Variants in EVI5 observed in about 807,000 individuals in gnomAD.
EVI5 encodes the protein ecotropic viral integration site 5 protein homolog.
In EVI5, 73 loss-of-function variants were observed where a neutral mutation model predicts 112.0. That is an observed-to-expected ratio of 0.65 (90% confidence interval 0.54 to 0.79). The LOEUF is 0.79. EVI5 is among the 30% of genes least tolerant of loss of function. The pLI is 0.00. For missense variants in EVI5, 900 were observed against 968.8 expected, an observed-to-expected ratio of 0.93 and a Z score of 0.94; for synonymous variants, 305 against 319.9, an observed-to-expected ratio of 0.95 and a Z score of 0.50.
chr1:92,785,497 C>A (rs1685537532), upstream of EVI5, among the ~76,000 whole-genome samples: 1 of 152,232 alleles, frequency 6.6e-6, no homozygotes, highest in Non-Finnish European at 1.5e-5. Context: ...CGAGCTCCCC[C>A]AGAGGTGGCC....
intron 13 of EVI5, among the ~76,000 whole-genome samples, chr1:92,644,362 C>T (rs1412846670): frequency 6.6e-6 from 1 of 152,228 alleles, no homozygotes; most frequent in Non-Finnish European, 1.5e-5. Flanking sequence ...AACTGGGCCA[C>T]ACCTGTAAAA....
intron 2 of EVI5, 82 bp downstream of exon 2, chr1:92,736,316 G>GA (rs1021580775): frequency 6.6e-4 from 599 of 903,560 alleles, no homozygotes; most frequent in Non-Finnish European, 8.6e-4. Context: ...CCAAAAAATA[G>GA]AAAAAAAAAT....
At chr1:92,648,156 C>T (rs1163330275) in intron 13 of EVI5, among the ~76,000 whole-genome samples, 3 of 132,640 alleles carry the variant, frequency 2.3e-5, no homozygotes, top group Non-Finnish European at 4.7e-5. Flanking sequence ...ACCATCCTGG[C>T]TAACACGGTG....
At chr1:92,789,529 C>A (rs1685931885), upstream of EVI5, among the ~76,000 whole-genome samples, 1 of 152,136 alleles carries the variant, frequency 6.6e-6, no homozygotes, top group African/African-American at 2.4e-5. Context: ...GTCTCAATCT[C>A]CTGACCTTGT....
At chr1:92,617,559 T>C (rs907794547) in intron 16 of EVI5, among the ~76,000 whole-genome samples, 1 of 152,152 alleles carries the variant, frequency 6.6e-6, no homozygotes, top group Non-Finnish European at 1.5e-5. Flanking sequence ...AATAAGCCCA[T>C]GAACAAAGTG....
At chr1:92,677,119 TC>T in intron 10 of EVI5, 38 bp downstream of exon 10, 1 of 1,225,032 alleles carries the variant, frequency 8.2e-7, no homozygotes, top group Non-Finnish European at 1.2e-6. Context: ...ATAATTGATT[TC>T]AATCAATCAG....
Position 92,643,935 on chromosome 1 carries a change from T to C in EVI5, c.1393-7599A>G, listed in dbSNP as rs193204160. On this transcript the variant is annotated intron_variant, in intron 13 of 19. Transcript: ENST00000684568. The stretch of plus-strand genomic sequence containing the variant: ...TAAAAGAAAAAAAGAGAAAGATTCT[T>C]GTTTATAACTAATAAATGTAGAAAA... Among the ~76,000 whole-genome samples, 281 of 152,310 alleles carry C rather than the reference T, an allele frequency of 1.8e-3. 1 individual carries two copies. Among genetic ancestry groups the C allele is most frequent in the Middle Eastern group, 0.01 (3 of 294 alleles).
chr1:92,746,523 C>G (rs1483240346), intron 1 of EVI5, among the ~76,000 whole-genome samples: 2 of 151,968 alleles, frequency 1.3e-5, no homozygotes, highest in Non-Finnish European at 2.9e-5. Context: ...GTCAGGAGCT[C>G]GAGATCAGTC....
intron 13 of EVI5, among the ~76,000 whole-genome samples, chr1:92,658,487 C>T (rs934730861): frequency 6.6e-6 from 1 of 151,982 alleles, no homozygotes; most frequent in Non-Finnish European, 1.5e-5. Context: ...ACAACAGCTA[C>T]AAAAAAATTT....
intron 13 of EVI5, among the ~76,000 whole-genome samples, chr1:92,652,460 G>A (rs1662298638): frequency 6.6e-6 from 1 of 152,108 alleles, no homozygotes; most frequent in Non-Finnish European, 1.5e-5. Flanking sequence ...TAATGACACT[G>A]AACTGTACAC....
At chr1:92,571,979 T>C (rs1334074751) in intron 18 of EVI5, among the ~76,000 whole-genome samples, 1 of 152,184 alleles carries the variant, frequency 6.6e-6, no homozygotes, top group African/African-American at 2.4e-5. Flanking sequence ...AATACATACG[T>C]TTTGTCATAT....
chr1:92,516,862 C>T (rs901467759), intron 19 of EVI5, among the ~76,000 whole-genome samples: 1 of 143,210 alleles, frequency 7.0e-6, no homozygotes, highest in African/African-American at 2.6e-5. Context: ...GACAATCAAC[C>T]TTTCCAACTC....
At chr1:92,744,596 TCTCTCA>T (rs1232519723) in intron 1 of EVI5, among the ~76,000 whole-genome samples, 156 of 25,562 alleles carry the variant, frequency 6.1e-3, no homozygotes, top group Non-Finnish European at 0.017. Context: ...TCTCTCTCTC[TCTCTCA>T]CACACACACA....
rs372559457 is a variant in EVI5 at position 92,613,880 on chromosome 1, C to T, written c.1828-6153G>A. Among the ~76,000 whole-genome samples the T allele has an allele frequency of 7.9e-4, 120 of 152,334 alleles. 1 individual carries two copies. Among genetic ancestry groups the T allele is most frequent in the African/African-American group, 2.8e-3 (115 of 41,570 alleles). ...TGTTGGGGATTATAGGCATTAGCCACTGTGCCTGTCTAAGACTGAGGCTTC... is the reference window on the plus strand; with the variant it reads ...TGTTGGGGATTATAGGCATTAGCCATTGTGCCTGTCTAAGACTGAGGCTTC... On this transcript the variant is annotated intron_variant, in intron 16 of 19. Coordinates refer to ENST00000684568, the MANE Select transcript of EVI5 (RefSeq NM_001350197.2).
chr1:92,538,122 G>C (rs1664196541), intron 19 of EVI5, among the ~76,000 whole-genome samples: 1 of 152,176 alleles, frequency 6.6e-6, no homozygotes, highest in African/African-American at 2.4e-5. Context: ...TGCATACTTA[G>C]ATGTATTCAG....
At chr1:92,735,642 A>ACATAT (rs1677222998) in intron 2 of EVI5, among the ~76,000 whole-genome samples, 3 of 23,774 alleles carry the variant, frequency 1.3e-4, no homozygotes, top group Non-Finnish European at 1.6e-4. Flanking sequence ...TATATGTCAT[A>ACATAT]TATATATATA....
intron 13 of EVI5, among the ~76,000 whole-genome samples, chr1:92,655,910 GAA>G (rs946446739): frequency 6.6e-6 from 1 of 150,568 alleles, no homozygotes; most frequent in African/African-American, 2.4e-5. Flanking sequence ...AAAAAGAAAA[GAA>G]AACCAAAGAA....
rs189256651 is a variant in EVI5 at position 92,608,926 on chromosome 1, T to C, written c.1828-1199A>G. Among the ~76,000 whole-genome samples the C allele has an allele frequency of 1.2e-4, 18 of 152,326 alleles. No homozygotes were observed. In the East Asian group the frequency reaches 2.9e-3, roughly 24 times the overall value. Reference sequence around the variant, plus strand: ...TCTATTTCCTTATTTGAAAAATGCATATAAAATAGTTTCTATTTCTCAGTT... The same window carrying C: ...TCTATTTCCTTATTTGAAAAATGCACATAAAATAGTTTCTATTTCTCAGTT... On this transcript the variant is annotated intron_variant, in intron 16 of 19. Coordinates refer to ENST00000684568, the MANE Select transcript of EVI5 (RefSeq NM_001350197.2).
At chr1:92,561,655 ATCT>A (rs1294508463) in intron 19 of EVI5, among the ~76,000 whole-genome samples, 76 of 143,080 alleles carry the variant, frequency 5.3e-4, no homozygotes, top group Admixed American at 5.1e-3. Flanking sequence ...CTATCTATCT[ATCT>A]ATCTATCAGA....
Sources: allele counts gnomAD v4.1 joint callset (sites outside exome capture counted in the v4.1 genomes callset), GRCh38; gene constraint gnomAD v4.1.1; transcripts MANE v1.5; gene names NCBI Gene and HGNC (gene_info 2026-07-23, HGNC 2026-07-21).